The following ZNF536 variants were observed in gnomAD, a reference collection of about 807,000 sequenced individuals.
ZNF536 encodes zinc finger protein 536.
A neutral mutation model predicts 84.5 loss-of-function variants in ZNF536; 13 were observed. The observed-to-expected ratio is 0.15, with a 90% CI of 0.10 to 0.24. The LOEUF is 0.24. Ranked by LOEUF, ZNF536 falls within the 10% of genes least tolerant of loss-of-function variation. The probability of loss-of-function intolerance (pLI) is 1.00; values close to 1 mark genes in which losing one functional copy is unlikely to be tolerated. For synonymous variants in ZNF536, 811 were observed against 742.5 expected (o/e 1.09, Z -1.50); for missense variants, 1,536 against 1,747.5 (o/e 0.88, Z 2.16).
chr19:30,294,406 T>C (rs908015893), intron 2 of ZNF536, among the ~76,000 whole-genome samples: 2 of 152,228 alleles, frequency 1.3e-5, no homozygotes, highest in African/African-American at 2.4e-5. Context: ...AAAATGATGC[T>C]CTTGAGTGAG....
At chr19:30,420,091 T>A (rs2050890530) in intron 1 of ZNF536, among the ~76,000 whole-genome samples, 1 of 152,164 alleles carries the variant, frequency 6.6e-6, no homozygotes, top group African/African-American at 2.4e-5. Flanking sequence ...CATGTGACAC[T>A]CCCAGGGATG....
At chr19:30,572,564 A>T (rs117059349) in intron 1 of ZNF536, among the ~76,000 whole-genome samples, 77 of 152,312 alleles carry the variant, frequency 5.1e-4, no homozygotes, top group Non-Finnish European at 9.4e-4. Context: ...CATCATGGGG[A>T]AGGTGCATGG....
At chr19:30,657,854 C>T (rs1179663632) in intron 1 of ZNF536, among the ~76,000 whole-genome samples, 1 of 152,162 alleles carries the variant, frequency 6.6e-6, no homozygotes, top group Non-Finnish European at 1.5e-5. Flanking sequence ...TCTTCCCTTC[C>T]ATCTGCACCC....
At chr19:30,478,989 A>T (rs1035102708) in intron 2 of ZNF536, among the ~76,000 whole-genome samples, 1 of 152,166 alleles carries the variant, frequency 6.6e-6, no homozygotes, top group Non-Finnish European at 1.5e-5. Flanking sequence ...TGAGTTACTC[A>T]TCACTGTCCA....
chr19:30,581,606 G>T (rs111455129), intron 1 of ZNF536, among the ~76,000 whole-genome samples: 3,694 of 152,266 alleles, frequency 0.024, 162 homozygotes, highest in African/African-American at 0.084. Flanking sequence ...TTTCTTGGGA[G>T]GACTTTCTGG....
At chr19:30,563,214 C>A (rs2046233747) in intron 1 of ZNF536, among the ~76,000 whole-genome samples, 1 of 152,102 alleles carries the variant, frequency 6.6e-6, no homozygotes, top group African/African-American at 2.4e-5. Flanking sequence ...CTCATCCTTG[C>A]CAATTTGTAC....
chr19:30,617,566 G>A (rs1490976534), intron 1 of ZNF536, among the ~76,000 whole-genome samples: 1 of 151,326 alleles, frequency 6.6e-6, no homozygotes, highest in Non-Finnish European at 1.5e-5. Flanking sequence ...TAGTCAGGAT[G>A]GTCTCGATCT....
intron 4 of ZNF536, 145 bp downstream of exon 4, chr19:30,549,659 A>G: frequency 2.2e-6 from 2 of 913,274 alleles, no homozygotes; most frequent in Non-Finnish European, 3.1e-6. Context: ...TCTGCAATGT[A>G]GACAATCATA....
intron 2 of ZNF536, among the ~76,000 whole-genome samples, chr19:30,316,994 G>C (rs1045780340): frequency 6.6e-6 from 1 of 152,204 alleles, no homozygotes; most frequent in Non-Finnish European, 1.5e-5. Flanking sequence ...TGGGCACTCA[G>C]GTCAAAGCGT....
chr19:30,314,715 G>A (rs1333787863), intron 2 of ZNF536, among the ~76,000 whole-genome samples: 1 of 152,160 alleles, frequency 6.6e-6, no homozygotes, highest in East Asian at 1.9e-4. Flanking sequence ...GCCTGGGCAA[G>A]GTGTTGGGTA....
intron 1 of ZNF536, among the ~76,000 whole-genome samples, chr19:30,249,393 G>A (rs1293036117): frequency 1.3e-5 from 2 of 151,796 alleles, no homozygotes; most frequent in East Asian, 3.9e-4. Context: ...AGGAGGAGGA[G>A]GATATTTTAA....
intron 2 of ZNF536, among the ~76,000 whole-genome samples, chr19:30,496,382 T>A (rs964486274): frequency 1.3e-5 from 2 of 152,174 alleles, no homozygotes; most frequent in South Asian, 4.1e-4. Context: ...CTTCTGGGGA[T>A]GCCATGGTCC....
intron 1 of ZNF536, among the ~76,000 whole-genome samples, chr19:30,411,676 A>T (rs2050501110): frequency 6.6e-6 from 1 of 152,102 alleles, no homozygotes. Context: ...CTACTTCTGT[A>T]TACTACCACA....
Position 30,557,156 on chromosome 19 carries a change from G to A in ZNF536, c.3896-1G>A, listed in dbSNP as rs746186715. On this transcript the variant is annotated splice_acceptor_variant, in intron 4 of 4. Coordinates refer to ENST00000355537, the MANE Select transcript of ZNF536 (RefSeq NM_014717.3). LOFTEE classifies it high-confidence loss of function. ...TAATAAATCTGCACATTTTCTTGCAGGTAAGTGACACTCCCTGTCCTAGTC... is the reference window on the plus strand; with the variant it reads ...TAATAAATCTGCACATTTTCTTGCAAGTAAGTGACACTCCCTGTCCTAGTC... 37 of 1,613,524 alleles carry A rather than the reference G, an allele frequency of 2.3e-5. No individual in the cohort carries two copies. Among genetic ancestry groups the A allele is most frequent in the Non-Finnish European group, 3.1e-5 (37 of 1,179,706 alleles).
At chr19:30,448,616 T>TA (rs1778829056) in intron 2 of ZNF536, among the ~76,000 whole-genome samples, 3 of 152,216 alleles carry the variant, frequency 2.0e-5, no homozygotes, top group Non-Finnish European at 4.4e-5. Context: ...ACTGGGTCAG[T>TA]AGGGCCTGAG....
At chr19:30,448,831 C>T (rs2052470411) in intron 2 of ZNF536, among the ~76,000 whole-genome samples, 1 of 152,162 alleles carries the variant, frequency 6.6e-6, no homozygotes, top group Non-Finnish European at 1.5e-5. Flanking sequence ...AACGGAGTGG[C>T]TGTTTAAAAA....
At chr19:30,404,419 T>G (rs578083605) in intron 1 of ZNF536, among the ~76,000 whole-genome samples, 1 of 152,208 alleles carries the variant, frequency 6.6e-6, no homozygotes, top group Non-Finnish European at 1.5e-5. Flanking sequence ...GCGCATGGCA[T>G]GTGGAGACAG....
intron 1 of ZNF536, among the ~76,000 whole-genome samples, chr19:30,248,224 C>CTTTTTTTTTTTT (rs58799737): frequency 7.6e-6 from 1 of 131,004 alleles, no homozygotes; most frequent in African/African-American, 2.9e-5. Flanking sequence ...TCTTTTCTTT[C>CTTTTTTTTTTTT]TTTTTTTTTT....
At position 30,467,416 on chromosome 19, in the gene ZNF536, G is replaced by A. The variant is rs571922728; in HGVS notation, c.2170+21684G>A. Among the ~76,000 whole-genome samples, 137 of 152,282 alleles carry A rather than the reference G, an allele frequency of 9.0e-4. 1 individual carries two copies. The highest frequency in any genetic ancestry group is 3.2e-3 in the African/African-American group (133 of 41,572). ...ATTTTGCTTAGCATGGCCTCCTCAA[G>A]ATTCATTCATGTTGCAGCCTGTGAC... is the stretch of plus-strand genomic sequence containing the variant. On this transcript the variant is annotated intron_variant, in intron 2 of 4. Coordinates refer to ENST00000355537, the MANE Select transcript of ZNF536 (RefSeq NM_014717.3).
Sources: allele counts gnomAD v4.1 joint callset (sites outside exome capture counted in the v4.1 genomes callset), GRCh38; gene constraint gnomAD v4.1.1; transcripts MANE v1.5; gene names NCBI Gene and HGNC (gene_info 2026-07-23, HGNC 2026-07-21).